RAB11FIP4: variants seen among roughly 807,000 people sequenced by gnomAD.
The protein encoded by RAB11FIP4 is RAB11 family interacting protein 4, also known as rab11 family-interacting protein 4.
RAB11FIP4 carries 23 observed loss-of-function variants against 74.3 expected under a neutral mutation model. The ratio of observed to expected loss-of-function variants is 0.31; its 90% CI spans 0.22 to 0.44. The LOEUF (loss-of-function observed/expected upper bound fraction) is 0.44, where lower values mean the gene tolerates loss of function less well. Ranked by LOEUF, RAB11FIP4 falls within the 20% of genes least tolerant of loss-of-function variation. The probability of loss-of-function intolerance (pLI) is 1.00; values close to 1 mark genes in which losing one functional copy is unlikely to be tolerated. For synonymous variants in RAB11FIP4, 360 were observed against 359.9 expected (o/e 1.00, Z 0.00); for missense variants, 630 against 863.9 (o/e 0.73, Z 3.39).
chr17:31,493,291 C>T (rs185952462), intron 3 of RAB11FIP4, among the ~76,000 whole-genome samples: 1 of 152,312 alleles, frequency 6.6e-6, no homozygotes, highest in Admixed American at 6.5e-5. Flanking sequence ...TGGCTCTGCT[C>T]ATGGGAGCCT....
At chr17:31,488,298 C>G in intron 3 of RAB11FIP4, 1 of 1,174,452 alleles carries the variant, frequency 8.5e-7, no homozygotes, top group Middle Eastern at 3.4e-4. Context: ...GGGGCTGGCG[C>G]TCGCAGGGCT....
intron 3 of RAB11FIP4, among the ~76,000 whole-genome samples, chr17:31,442,321 C>T (rs374152650): frequency 6.6e-6 from 1 of 152,088 alleles, no homozygotes; most frequent in Admixed American, 6.6e-5. Context: ...ATATTTTTAA[C>T]GTAATTTGGG....
chr17:31,404,216 C>G (rs1446447762), intron 1 of RAB11FIP4, among the ~76,000 whole-genome samples: 3 of 152,246 alleles, frequency 2.0e-5, no homozygotes, highest in African/African-American at 7.2e-5. Flanking sequence ...ACCACACACT[C>G]CTGTTCCTGC....
chr17:31,499,520 T>C (rs1597958582), intron 3 of RAB11FIP4, among the ~76,000 whole-genome samples: 1 of 152,098 alleles, frequency 6.6e-6, no homozygotes, highest in East Asian at 1.9e-4. Flanking sequence ...CGTGTCCAGC[T>C]AATTTTTGTA....
intron 1 of RAB11FIP4, among the ~76,000 whole-genome samples, chr17:31,404,317 C>T (rs2071023364): frequency 6.6e-6 from 1 of 152,238 alleles, no homozygotes; most frequent in Non-Finnish European, 1.5e-5. Context: ...CGCCCCGTCC[C>T]CACTTCCACT....
At chr17:31,496,632 T>A (rs1486610777) in intron 3 of RAB11FIP4, among the ~76,000 whole-genome samples, 1 of 152,230 alleles carries the variant, frequency 6.6e-6, no homozygotes, top group Non-Finnish European at 1.5e-5. Flanking sequence ...TGTAAAGTCT[T>A]CCCACATGTA....
intron 1 of RAB11FIP4, among the ~76,000 whole-genome samples, chr17:31,392,923 C>G (rs1367256254): frequency 6.6e-6 from 1 of 152,198 alleles, no homozygotes; most frequent in Non-Finnish European, 1.5e-5. Flanking sequence ...AGGCCTCAGG[C>G]CCTGCATGGG....
intron 1 of RAB11FIP4, among the ~76,000 whole-genome samples, chr17:31,422,429 C>T (rs112047834): frequency 0.016 from 2,458 of 152,322 alleles, 30 homozygotes; most frequent in Middle Eastern, 0.045. Context: ...TGGTTATATT[C>T]TCTAGAGGAG....
chr17:31,445,165 T>A (rs11652450), intron 3 of RAB11FIP4, among the ~76,000 whole-genome samples: 9,904 of 152,222 alleles, frequency 0.065, 430 homozygotes, highest in Non-Finnish European at 0.09. Context: ...AGATCACTTT[T>A]ACTAAACAAA....
rs577147175 is a variant in RAB11FIP4, at chr17:31,411,365, A to AAAAC, written c.159+19378_159+19381dup. On this transcript the variant is annotated intron_variant, in intron 1 of 14. Coordinates refer to ENST00000621161, the MANE Select transcript of RAB11FIP4 (RefSeq NM_032932.6). The stretch of plus-strand genomic sequence containing the variant: ...GGCGACAGAGTGCGATTCCATCTCA[A>AAAAC]AAACAAACAAACAAACAAACAAACA... Among the ~76,000 whole-genome samples, 288 of 152,242 alleles carry AAAAC rather than the reference A, an allele frequency of 1.9e-3. 2 individuals are homozygous for AAAAC. The highest frequency in any genetic ancestry group is 0.014 in the East Asian group (72 of 5,168).
intron 1 of RAB11FIP4, among the ~76,000 whole-genome samples, chr17:31,418,609 G>A (rs566670375): frequency 3.3e-5 from 5 of 151,556 alleles, no homozygotes; most frequent in Non-Finnish European, 4.4e-5. Context: ...GACTACAGGC[G>A]TGCACCACCA....
chr17:31,444,879 G>A (rs1202948057), intron 3 of RAB11FIP4, among the ~76,000 whole-genome samples: 2 of 152,130 alleles, frequency 1.3e-5, no homozygotes, highest in Non-Finnish European at 2.9e-5. Flanking sequence ...CTTTGGATGA[G>A]TTATCCCTAC....
At chr17:31,414,798 G>T (rs369483499) in intron 1 of RAB11FIP4, among the ~76,000 whole-genome samples, 2 of 152,198 alleles carry the variant, frequency 1.3e-5, no homozygotes, top group East Asian at 3.8e-4. Flanking sequence ...TCCCTGAGGC[G>T]GGGTCCTTCA....
At position 31,414,754 on chromosome 17, in the gene RAB11FIP4, C is replaced by T. The variant is rs576365492; in HGVS notation, c.160-17059C>T. Among the ~76,000 whole-genome samples the T allele has an allele frequency of 3.3e-5, 5 of 152,362 alleles. No individual in the cohort carries two copies. In the East Asian group the frequency reaches 5.8e-4, roughly 18 times the overall value. ...CCAAAGCCGCACAGGCCCTCTCCACCTCCCCTCCCATCACCACCTTTTATC... is the reference window on the plus strand; with the variant it reads ...CCAAAGCCGCACAGGCCCTCTCCACTTCCCCTCCCATCACCACCTTTTATC... On this transcript the variant is annotated intron_variant, in intron 1 of 14. Coordinates refer to ENST00000621161, the MANE Select transcript of RAB11FIP4 (RefSeq NM_032932.6).
Position 31,530,427 on chromosome 17 carries a change from C to T in RAB11FIP4, c.1755C>T (p.Ala585=). The T allele has an allele frequency of 1.2e-6, 2 of 1,614,122 alleles. No individual in the cohort carries two copies. Among genetic ancestry groups the T allele is most frequent in the Non-Finnish European group, 1.7e-6 (2 of 1,180,012 alleles). ...AKNLFAAQTK[A]QSLAAEIDTA... is the part of the protein sequence containing the mutation. Reference sequence around the variant, plus strand: ...ACCTCTTTGCTGCCCAGACTAAAGCCCAGTCTCTGGCTGCGGAGATAGACA... The same window carrying T: ...ACCTCTTTGCTGCCCAGACTAAAGCTCAGTCTCTGGCTGCGGAGATAGACA... The change falls in exon 14 of 15, where the codon GCC becomes GCT. Residue 585 remains alanine (A), a synonymous_variant. Transcript: ENST00000621161.
intron 1 of RAB11FIP4, among the ~76,000 whole-genome samples, chr17:31,404,088 C>T (rs574004555): frequency 2.0e-4 from 31 of 152,264 alleles, no homozygotes; most frequent in African/African-American, 5.8e-4. Flanking sequence ...CCAGGAGGTG[C>T]GCATTTCTCT....
intron 3 of RAB11FIP4, among the ~76,000 whole-genome samples, chr17:31,460,118 C>T (rs1323668772): frequency 1.3e-5 from 2 of 152,218 alleles, no homozygotes; most frequent in Admixed American, 6.5e-5. Flanking sequence ...GTGGGCACTT[C>T]ATGGTCAGGC....
At chr17:31,503,121 CT>C (rs1260112935) in intron 3 of RAB11FIP4, among the ~76,000 whole-genome samples, 2 of 152,170 alleles carry the variant, frequency 1.3e-5, no homozygotes, top group African/African-American at 4.8e-5. Context: ...CAACCTCCAC[CT>C]CCCAGGTTCA....
At chr17:31,498,801 C>T (rs543859508) in intron 3 of RAB11FIP4, among the ~76,000 whole-genome samples, 2 of 152,174 alleles carry the variant, frequency 1.3e-5, no homozygotes, top group African/African-American at 2.4e-5. Flanking sequence ...GTGGACTCTA[C>T]GAGAAGAAAG....
Sources: allele counts gnomAD v4.1 joint callset (sites outside exome capture counted in the v4.1 genomes callset), GRCh38; gene constraint gnomAD v4.1.1; transcripts MANE v1.5; gene names NCBI Gene and HGNC (gene_info 2026-07-23, HGNC 2026-07-21).